The following SEPTIN7 variants were observed in gnomAD, a reference collection of about 807,000 sequenced individuals.
The protein encoded by SEPTIN7 is septin 7, also known as septin-7.
A neutral mutation model predicts 63.3 loss-of-function variants in SEPTIN7; 10 were observed. That is an observed-to-expected ratio of 0.16 (90% CI 0.10 to 0.27). The LOEUF (loss-of-function observed/expected upper bound fraction) is 0.27, where lower values mean the gene tolerates loss of function less well. Ranked by LOEUF, SEPTIN7 falls within the 10% of genes least tolerant of loss-of-function variation. SEPTIN7 has a pLI of 1.00. For missense variants in SEPTIN7, 310 were observed against 521.0 expected, an observed-to-expected ratio of 0.59 and a Z score of 3.94; for synonymous variants, 131 against 165.3, an observed-to-expected ratio of 0.79 and a Z score of 1.59.
At chr7:35,884,369 A>G (rs1787092581) in intron 9 of SEPTIN7, among the ~76,000 whole-genome samples, 1 of 152,236 alleles carries the variant, frequency 6.6e-6, no homozygotes, top group African/African-American at 2.4e-5. Flanking sequence ...CAGTAAGTAT[A>G]GCACAGATAT....
chr7:35,833,446 CCCTG>C (rs1783933703), intron 3 of SEPTIN7, among the ~76,000 whole-genome samples: 1 of 151,926 alleles, frequency 6.6e-6, no homozygotes, highest in African/African-American at 2.4e-5. Flanking sequence ...GAACACATTA[CCCTG>C]CCTATAGTCC....
intron 1 of SEPTIN7, among the ~76,000 whole-genome samples, chr7:35,820,266 A>T (rs1334475450): frequency 6.6e-6 from 1 of 151,788 alleles, no homozygotes; most frequent in Non-Finnish European, 1.5e-5. Flanking sequence ...CAGTTTGTTG[A>T]GCTTTGATGT....
chr7:35,909,134 C>T (rs572811299), downstream of SEPTIN7, among the ~76,000 whole-genome samples: 120 of 151,718 alleles, frequency 7.9e-4, no homozygotes, highest in East Asian at 8.5e-3. Context: ...ATTTTTTTTT[C>T]CTTAGGGATA....
chr7:35,876,586 C>T (rs1786485759), intron 6 of SEPTIN7, among the ~76,000 whole-genome samples: 1 of 152,130 alleles, frequency 6.6e-6, no homozygotes, highest in South Asian at 2.1e-4. Context: ...GCCTGTAATC[C>T]CAGCACTTTG....
At chr7:35,896,347 G>A (rs564705796) in intron 11 of SEPTIN7, among the ~76,000 whole-genome samples, 62 of 152,276 alleles carry the variant, frequency 4.1e-4, no homozygotes, top group Admixed American at 3.9e-3. Context: ...CTTAAGGTTA[G>A]CAATCACAAA....
intron 3 of SEPTIN7, among the ~76,000 whole-genome samples, chr7:35,852,322 T>G (rs1476432321): frequency 6.6e-6 from 1 of 152,116 alleles, no homozygotes; most frequent in Non-Finnish European, 1.5e-5. Context: ...TCAAGGAAAT[T>G]TTAAGCTCTA....
In SEPTIN7 at chr7:35,904,281, G is replaced by A. The variant is rs1486421403; in HGVS notation, c.1302G>A (p.Gly434=). The change falls in exon 14 of 14, where the codon GGG becomes GGA. Residue 434 remains glycine, a synonymous_variant. Coordinates refer to ENST00000350320, the MANE Select transcript of SEPTIN7 (RefSeq NM_001788.6). ...CCTTGGAAAAGAACAAGAAGAAAGG[G>A]AAGATCTTTTAAACTCTCTATTGAC... ...SRTLEKNKKK[G]KIF 4 of 1,563,968 alleles carry A rather than the reference G, an allele frequency of 2.6e-6. No individual in the cohort carries two copies. The highest frequency in any genetic ancestry group is 3.9e-4 in the Middle Eastern group (2 of 5,082).
chr7:35,889,515 G>A (rs753797408), intron 10 of SEPTIN7, among the ~76,000 whole-genome samples: 15 of 152,172 alleles, frequency 9.9e-5, no homozygotes, highest in Non-Finnish European at 2.1e-4. Context: ...TTCTCTGGTT[G>A]TAAGGAATGA....
intron 1 of SEPTIN7, among the ~76,000 whole-genome samples, chr7:35,806,517 G>A (rs190389317): frequency 2.6e-4 from 40 of 152,250 alleles, no homozygotes; most frequent in Admixed American, 2.2e-3. Context: ...AATGCTTTCC[G>A]ACTTATCAAG....
chr7:35,814,210 A>G lies in SEPTIN7; in HGVS notation c.61+12940A>G, dbSNP rs1339915610. Among the ~76,000 whole-genome samples the G allele has an allele frequency of 3.9e-5, 6 of 152,172 alleles. No homozygotes were observed. In the South Asian group the frequency reaches 8.3e-4, roughly 21 times the overall value. ...TTTTAAATTGCAAAATTATTTTGCA[A>G]TATATTAGTAACATTTTACATTTTC... On this transcript the variant is annotated intron_variant, in intron 1 of 13. Coordinates refer to ENST00000350320, the MANE Select transcript of SEPTIN7 (RefSeq NM_001788.6).
At chr7:35,912,040 G>A (rs574018603), downstream of SEPTIN7, among the ~76,000 whole-genome samples, 17 of 152,258 alleles carry the variant, frequency 1.1e-4, no homozygotes, top group African/African-American at 4.1e-4. Context: ...TGTGGATCCT[G>A]ACTCCTGAGA....
At chr7:35,829,694 C>G (rs1338224930) in intron 1 of SEPTIN7, among the ~76,000 whole-genome samples, 4 of 152,144 alleles carry the variant, frequency 2.6e-5, no homozygotes, top group Non-Finnish European at 2.9e-5. Context: ...GTAATTCATT[C>G]AATCTCTGCG....
chr7:35,893,867 A>C lies in SEPTIN7; in HGVS notation c.998+3074A>C, dbSNP rs141010724. ...GTCCAGTCAGCTATAATTTGTCTCA[A>C]GGTTAGATCTGGAGAAGTGGATGCT... On this transcript the variant is annotated intron_variant, in intron 11 of 13. Coordinates refer to ENST00000350320, the MANE Select transcript of SEPTIN7 (RefSeq NM_001788.6). 2.7e-3 allele frequency among the ~76,000 whole-genome samples: 404 copies of C among 152,290 alleles called. 2 individuals are homozygous for C. The highest frequency in any genetic ancestry group is 9.3e-3 in the African/African-American group (387 of 41,568).
intron 3 of SEPTIN7, among the ~76,000 whole-genome samples, chr7:35,846,377 A>T (rs1784668161): frequency 6.6e-6 from 1 of 152,138 alleles, no homozygotes; most frequent in African/African-American, 2.4e-5. Flanking sequence ...TGTGTGTTTC[A>T]TTCCTAGAAG....
chr7:35,820,999 T>A (rs1789376379), intron 1 of SEPTIN7, among the ~76,000 whole-genome samples: 1 of 152,204 alleles, frequency 6.6e-6, no homozygotes, highest in Non-Finnish European at 1.5e-5. Context: ...CTTTAGGGAC[T>A]ACCAGACACA....
At chr7:35,813,361 C>CT (rs781627167) in intron 1 of SEPTIN7, among the ~76,000 whole-genome samples, 166 of 144,926 alleles carry the variant, frequency 1.1e-3, no homozygotes, top group Middle Eastern at 3.5e-3. Context: ...TTCAGTATTC[C>CT]TTTTTTTTTT....
At chr7:35,869,735 T>A (rs1486856060) in intron 4 of SEPTIN7, among the ~76,000 whole-genome samples, 1 of 152,172 alleles carries the variant, frequency 6.6e-6, no homozygotes, top group Admixed American at 6.5e-5. Flanking sequence ...TATTAGAAAA[T>A]GAGTACCTTG....
At chr7:35,910,513 T>G (rs540880750), downstream of SEPTIN7, among the ~76,000 whole-genome samples, 1 of 152,350 alleles carries the variant, frequency 6.6e-6, no homozygotes, top group African/African-American at 2.4e-5. Flanking sequence ...AAACTAAAGT[T>G]TTCCAGATGC....
At chr7:35,810,599 A>G (rs1288998253) in intron 1 of SEPTIN7, among the ~76,000 whole-genome samples, 2 of 152,174 alleles carry the variant, frequency 1.3e-5, no homozygotes, top group Non-Finnish European at 2.9e-5. Flanking sequence ...CTGGGATTAC[A>G]GGCGTGAGCC....
Sources: gnomAD v4.1 joint callset for allele counts (sites outside exome capture counted in the v4.1 genomes callset) on GRCh38, gnomAD v4.1.1 for gene constraint, MANE v1.5 for transcripts, NCBI Gene and HGNC (gene_info 2026-07-23, HGNC 2026-07-21) for gene names.